KIR2DL1: variants seen among roughly 807,000 people sequenced by gnomAD.
The protein encoded by KIR2DL1 is killer cell immunoglobulin like receptor, two Ig domains and long cytoplasmic tail 1.
In KIR2DL1, 38 loss-of-function variants were observed where a neutral mutation model predicts 33.9. The ratio of observed to expected loss-of-function variants is 1.12; its 90% CI spans 0.86 to 1.47. KIR2DL1 has a LOEUF of 1.47. Among genes scored for constraint, KIR2DL1 ranks in the 40% most tolerant of loss-of-function variants. The pLI, the probability that KIR2DL1 is intolerant of heterozygous loss-of-function variation, is 0.00. For synonymous variants in KIR2DL1, 179 were observed against 165.9 expected, an observed-to-expected ratio of 1.08 and a Z score of -0.61; for missense variants, 531 against 433.9, an observed-to-expected ratio of 1.22 and a Z score of -1.99.
intron 4 of KIR2DL1, among the ~76,000 whole-genome samples, chr19:54,777,046 G>A (rs1341597787): frequency 3.3e-5 from 5 of 151,766 alleles, no homozygotes; most frequent in African/African-American, 1.2e-4. Flanking sequence ...CTACCACCTT[G>A]CCAGCATTTC....
chr19:54,772,951 C>T (rs1262992494), intron 2 of KIR2DL1, among the ~76,000 whole-genome samples: 8 of 147,318 alleles, frequency 5.4e-5, no homozygotes, highest in Non-Finnish European at 1.1e-4. Flanking sequence ...GTTCATACCT[C>T]CTGCCAAGGA....
chr19:54,782,424 T>C (rs1358056713), intron 5 of KIR2DL1, among the ~76,000 whole-genome samples: 3 of 152,068 alleles, frequency 2.0e-5, no homozygotes, highest in Non-Finnish European at 2.9e-5. Flanking sequence ...GGCCTCAGGC[T>C]GCTCCCACTC....
At chr19:54,770,723 C>T (rs1569148578) in intron 1 of KIR2DL1, 126 bp from the exon 2 acceptor site, 6 of 1,339,544 alleles carry the variant, frequency 4.5e-6, no homozygotes, top group Non-Finnish European at 5.3e-6. Context: ...TGCAGGTAGG[C>T]ACTGAGGGTG....
intron 3 of KIR2DL1, among the ~76,000 whole-genome samples, chr19:54,774,657 G>A (rs1445775487): frequency 6.8e-6 from 1 of 147,964 alleles, no homozygotes; most frequent in African/African-American, 2.5e-5. Flanking sequence ...GAGATACAGA[G>A]GCAGACATAG....
At chr19:54,774,217 A>G (rs1188854559) in intron 3 of KIR2DL1, among the ~76,000 whole-genome samples, 1 of 148,624 alleles carries the variant, frequency 6.7e-6, no homozygotes, top group Non-Finnish European at 1.5e-5. Context: ...AAGCCCACTT[A>G]TGAGAGGATC....
chr19:54,780,639 C>T (rs532317058), intron 5 of KIR2DL1, among the ~76,000 whole-genome samples: 14 of 142,794 alleles, frequency 9.8e-5, no homozygotes, highest in African/African-American at 1.8e-4. Flanking sequence ...AGGCAATTGC[C>T]GCCCCACTGG....
chr19:54,774,442 G>T lies in KIR2DL1; in HGVS notation c.371-723G>T, dbSNP rs1430236918. Among the ~76,000 whole-genome samples the T allele has an allele frequency of 1.3e-4, 20 of 148,308 alleles. 1 individual carries two copies. Among genetic ancestry groups the T allele is most frequent in the African/African-American group, 4.9e-4 (20 of 40,618 alleles). On this transcript the variant is annotated intron_variant, in intron 3 of 7. Coordinates refer to ENST00000336077, the MANE Select transcript of KIR2DL1 (RefSeq NM_014218.3). ...CAAGGACATTGAAAGATGGAGATGTGGGGATGAATTGCAGAGATTCCAAAG... is the reference window on the plus strand; with the variant it reads ...CAAGGACATTGAAAGATGGAGATGTTGGGATGAATTGCAGAGATTCCAAAG...
chr19:54,774,884 T>TA (rs921422289), intron 3 of KIR2DL1, among the ~76,000 whole-genome samples: 7 of 147,888 alleles, frequency 4.7e-5, no homozygotes, highest in African/African-American at 1.5e-4. Context: ...AACTCAGAAT[T>TA]AAAAAAAGTA....
chr19:54,773,263 A>C (rs1231885435), intron 2 of KIR2DL1, 70 bp from the exon 3 acceptor site: 1 of 1,473,266 alleles, frequency 6.8e-7, no homozygotes, highest in African/African-American at 1.4e-5. Flanking sequence ...GGGAAGCCTG[A>C]CTCAATCCAG....
chr19:54,778,942 C>A (rs1163061230), intron 5 of KIR2DL1, among the ~76,000 whole-genome samples: 1 of 146,308 alleles, frequency 6.8e-6, no homozygotes, highest in Non-Finnish European at 1.5e-5. Flanking sequence ...TTTGTTCTAC[C>A]TGCATTCCTA....
At position 54,770,331 on chromosome 19, in the gene KIR2DL1, G is replaced by A. The variant is rs1229436168; in HGVS notation, c.34+447G>A. On this transcript the variant is annotated intron_variant, in intron 1 of 7. Coordinates refer to ENST00000336077, the MANE Select transcript of KIR2DL1 (RefSeq NM_014218.3). ...CTAGAGGTCGATATCTGGGCCTGGA[G>A]TGGAGATATGGGCCAGGAGTGGAGA... 6.9e-5 allele frequency among the ~76,000 whole-genome samples: 10 copies of A among 143,920 alleles called. 3 individuals carry two copies. Among genetic ancestry groups the A allele is most frequent in the Admixed American group, 4.2e-4 (6 of 14,240 alleles). 94.4% of individuals were successfully genotyped at this position (143,920 alleles called of 152,430 possible).
intron 5 of KIR2DL1, among the ~76,000 whole-genome samples, chr19:54,782,213 C>A (rs368465007): frequency 9.3e-5 from 14 of 151,318 alleles, no homozygotes; most frequent in Non-Finnish European, 1.3e-4. Context: ...CACTGCATGA[C>A]GTCCTCCAGG....
chr19:54,776,996 T>C (rs1184598155), intron 4 of KIR2DL1, among the ~76,000 whole-genome samples: 748 of 149,732 alleles, frequency 5.0e-3, no homozygotes, highest in African/African-American at 0.018. Flanking sequence ...GCTGTACTAA[T>C]TTACACTCCT....
At chr19:54,774,933 A>G (rs1304260410) in intron 3 of KIR2DL1, among the ~76,000 whole-genome samples, 1 of 148,608 alleles carries the variant, frequency 6.7e-6, no homozygotes, top group East Asian at 1.9e-4. Context: ...CAGAGAGAAT[A>G]AAACAATCCA....
chr19:54,783,739 C>T lies in KIR2DL1; in HGVS notation c.973C>T (p.Pro325Ser), dbSNP rs2077340331. 2 of 1,613,906 alleles carry T rather than the reference C, an allele frequency of 1.2e-6. No individual in the cohort carries two copies. Among genetic ancestry groups the T allele is most frequent in the Non-Finnish European group, 1.7e-6 (2 of 1,179,990 alleles). Residue 325 changes from proline (P) to serine (S), a missense_variant, in exon 8 of 8, where the codon CCC becomes TCC. Transcript: ENST00000336077. ...TCGCCCTTCTCAGAGGCCCAAGACACCCCCAACAGATATCATCGTGTACAC... is the reference window on the plus strand; with the variant it reads ...TCGCCCTTCTCAGAGGCCCAAGACATCCCCAACAGATATCATCGTGTACAC... ...ITRPSQRPKT[P>S]PTDIIVYTEL... is the part of the protein sequence containing the mutation.
At chr19:54,770,186 T>C (rs2075505775) in intron 1 of KIR2DL1, among the ~76,000 whole-genome samples, 2 of 125,084 alleles carry the variant, frequency 1.6e-5, no homozygotes, top group Non-Finnish European at 3.4e-5. Context: ...GGTGGAGATA[T>C]GGGCCTGGAG....
rs1238576703 is a variant in KIR2DL1, at chr19:54,774,059, C to T, written c.370+427C>T. ...CCTGTGGCCTCAGGCCTTGTGGCAC[C>T]TACAGATGCCATGTTTATTCTGACA... On this transcript the variant is annotated intron_variant, in intron 3 of 7. Transcript: ENST00000336077. Among the ~76,000 whole-genome samples, 7 of 148,712 alleles carry T rather than the reference C, an allele frequency of 4.7e-5. 1 individual carries two copies. The Admixed American group carries it at 4.8e-4, about 10-fold the overall frequency.
chr19:54,779,708 G>A (rs1346160861), intron 5 of KIR2DL1, among the ~76,000 whole-genome samples: 4 of 149,266 alleles, frequency 2.7e-5, no homozygotes, highest in Non-Finnish European at 6.0e-5. Context: ...ATGGAGGCTA[G>A]GACAGGGACA....
intron 1 of KIR2DL1, among the ~76,000 whole-genome samples, chr19:54,770,588 A>G (rs2075577576): frequency 7.1e-6 from 1 of 140,084 alleles, no homozygotes; most frequent in Non-Finnish European, 1.6e-5. Context: ...GATTGGCGAT[A>G]TGGGCTTAGG....
Sources: allele counts gnomAD v4.1 joint callset (sites outside exome capture counted in the v4.1 genomes callset), GRCh38; gene constraint gnomAD v4.1.1; transcripts MANE v1.5; gene names NCBI Gene and HGNC (gene_info 2026-07-23, HGNC 2026-07-21).